MCCC2: variants seen among roughly 807,000 people sequenced by gnomAD.
MCCC2 encodes methylcrotonyl-CoA carboxylase subunit 2.
A neutral mutation model predicts 77.2 loss-of-function variants in MCCC2; 52 were observed. The observed-to-expected ratio is 0.67, with a 90% CI of 0.54 to 0.85. The LOEUF (loss-of-function observed/expected upper bound fraction) is 0.85, where lower values mean the gene tolerates loss of function less well. MCCC2 is among the 40% of genes least tolerant of loss of function. The probability of loss-of-function intolerance (pLI) is 0.00; values close to 1 mark genes in which losing one functional copy is unlikely to be tolerated. For synonymous variants in MCCC2, 253 were observed against 248.4 expected (o/e 1.02, Z -0.18); for missense variants, 682 against 703.2 (o/e 0.97, Z 0.34).
chr5:71,624,127 C>T (rs1303217892), intron 6 of MCCC2, among the ~76,000 whole-genome samples: 1 of 152,118 alleles, frequency 6.6e-6, no homozygotes, highest in Non-Finnish European at 1.5e-5. Flanking sequence ...ACATGGTGAC[C>T]AAAGAGATCT....
At chr5:71,644,072 C>CGTGT (rs1188965875) in intron 12 of MCCC2, among the ~76,000 whole-genome samples, 177 bp downstream of exon 12, 5 of 138,986 alleles carry the variant, frequency 3.6e-5, no homozygotes, top group African/African-American at 6.4e-5. Flanking sequence ...TGTGTGTGTG[C>CGTGT]GCGCGTGTGT....
At chr5:71,600,369 C>T (rs1034690634) in intron 4 of MCCC2, among the ~76,000 whole-genome samples, 1 of 151,584 alleles carries the variant, frequency 6.6e-6, no homozygotes, top group Non-Finnish European at 1.5e-5. Context: ...GCTCTGTTGC[C>T]TAGGCTAATC....
chr5:71,604,289 C>G (rs1225873032), intron 5 of MCCC2, 67 bp from the exon 6 acceptor site: 11 of 1,328,476 alleles, frequency 8.3e-6, no homozygotes, highest in South Asian at 2.4e-5. Flanking sequence ...GTCATTGATA[C>G]AAGTTTCCCT....
At chr5:71,636,622 A>T (rs1746939597) in intron 10 of MCCC2, 1 of 151,296 alleles carries the variant, frequency 6.6e-6, no homozygotes, top group Admixed American at 6.6e-5. Flanking sequence ...AATCGCTTGA[A>T]CCTGGGAGCA....
intron 10 of MCCC2, among the ~76,000 whole-genome samples, chr5:71,640,603 G>A (rs1747095372): frequency 6.6e-6 from 1 of 151,770 alleles, no homozygotes; most frequent in South Asian, 2.1e-4. Context: ...CTTACTCCAG[G>A]GCATACCAGT....
intron 14 of MCCC2, 152 bp from the exon 15 acceptor site, chr5:71,649,917 T>C (rs1417134552): frequency 1.5e-6 from 1 of 687,386 alleles, no homozygotes; most frequent in African/African-American, 1.8e-5. Flanking sequence ...CTGGGGTGTG[T>C]TCCAGGCATT....
At chr5:71,648,929 T>C (rs1747348552) in intron 13 of MCCC2, among the ~76,000 whole-genome samples, 168 bp from the exon 14 acceptor site, 1 of 152,262 alleles carries the variant, frequency 6.6e-6, no homozygotes, top group Admixed American at 6.5e-5. Context: ...TTTTATTTTA[T>C]CCTTTTAAAG....
chr5:71,602,815 A>G lies in MCCC2; in HGVS notation c.511+182A>G, dbSNP rs1745494038. Reference sequence around the variant, plus strand: ...GGGGGAAAGTAAACAAGAACTGTTCATAGTACTAGTGCATAATACTCATAC... The same window carrying G: ...GGGGGAAAGTAAACAAGAACTGTTCGTAGTACTAGTGCATAATACTCATAC... On this transcript the variant is annotated intron_variant, in intron 5 of 16. Transcript: ENST00000340941. The G allele has an allele frequency of 4.3e-5, 36 of 827,592 alleles. 1 individual carries two copies. In the South Asian group the frequency reaches 5.5e-4, roughly 13 times the overall value. The allele number at this position is 827,592 out of a possible 1,614,324, so 51.3% of individuals were successfully genotyped here. A position where few individuals can be genotyped will look rare whatever the true frequency, so the allele number is the denominator to read the frequency against.
intron 8 of MCCC2, among the ~76,000 whole-genome samples, chr5:71,634,444 A>G (rs536281185): frequency 1.1e-4 from 17 of 152,340 alleles, no homozygotes; most frequent in African/African-American, 3.8e-4. Flanking sequence ...GGGGGCTCAG[A>G]GTTCTCTCAG....
At chr5:71,595,242 A>G (rs1745136548) in intron 2 of MCCC2, among the ~76,000 whole-genome samples, 1 of 151,646 alleles carries the variant, frequency 6.6e-6, no homozygotes, top group Non-Finnish European at 1.5e-5. Context: ...GGTGTTTGAA[A>G]CCAGCCTGGG....
At chr5:71,637,656 C>T (rs1205132143) in intron 10 of MCCC2, among the ~76,000 whole-genome samples, 1 of 152,156 alleles carries the variant, frequency 6.6e-6, no homozygotes, top group Non-Finnish European at 1.5e-5. Flanking sequence ...CACTGACTGA[C>T]TCTTGCTTTT....
intron 6 of MCCC2, among the ~76,000 whole-genome samples, chr5:71,616,985 C>G (rs1331333507): frequency 6.6e-6 from 1 of 152,220 alleles, no homozygotes; most frequent in Non-Finnish European, 1.5e-5. Flanking sequence ...CTTTCCCATA[C>G]AGTGGACACA....
chr5:71,599,697 A>G lies in MCCC2; in HGVS notation c.320A>G (p.Gln107Arg), dbSNP rs1430566045. The G allele has an allele frequency of 1.2e-6, 2 of 1,614,042 alleles. No homozygotes were observed. Among genetic ancestry groups the G allele is most frequent in the African/African-American group, 2.7e-5 (2 of 74,942 alleles). Residue 107 changes from glutamine (Q) to arginine (R), a missense_variant, in exon 4 of 17, where the codon CAG (glutamine) becomes CGG (arginine). Transcript: ENST00000340941. ...FLELSQFAGY[Q>R]LYDNEEVPGG... ...GAATTATCCCAGTTTGCAGGTTACC[A>G]GTTATATGACAATGAGGAGGTGCCA...
At chr5:71,653,693 A>T (rs929954499) in intron 16 of MCCC2, among the ~76,000 whole-genome samples, 1 of 151,936 alleles carries the variant, frequency 6.6e-6, no homozygotes, top group Non-Finnish European at 1.5e-5. Flanking sequence ...TACAAAAAAT[A>T]TACAAAAATT....
At chr5:71,611,978 C>T (rs1745968567) in intron 6 of MCCC2, among the ~76,000 whole-genome samples, 3 of 151,930 alleles carry the variant, frequency 2.0e-5, no homozygotes, top group Admixed American at 2.0e-4. Context: ...TTAGTAGAGA[C>T]AGGGTTTCAC....
At chr5:71,623,655 C>T (rs560151313) in intron 6 of MCCC2, among the ~76,000 whole-genome samples, 1 of 152,180 alleles carries the variant, frequency 6.6e-6, no homozygotes, top group Non-Finnish European at 1.5e-5. Flanking sequence ...CTGGACCCAC[C>T]ACATATTCAA....
intron 10 of MCCC2, among the ~76,000 whole-genome samples, chr5:71,639,468 C>G (rs2112450017): frequency 6.6e-6 from 1 of 152,152 alleles, no homozygotes; most frequent in South Asian, 2.1e-4. Context: ...CTTCACCTAT[C>G]CAAGCCTTCA....
In MCCC2 at chr5:71,641,049, C is replaced by G. The variant is rs1747108628; in HGVS notation, c.1046C>G (p.Ala349Gly). The G allele has an allele frequency of 1.2e-6, 2 of 1,613,992 alleles. No homozygotes were observed. Among genetic ancestry groups the G allele is most frequent in the Admixed American group, 1.7e-5 (1 of 60,002 alleles). ...VDGSRFTEFK[A>G]FYGDTLVTGF... ...GGAAGCAGATTCACTGAGTTCAAAG[C>G]CTTTTATGGAGACACATTAGTTACA... The change falls in exon 11 of 17, where the codon GCC becomes GGC. Residue 349 changes from alanine to glycine, a missense_variant. Ala to Gly is a moderately conservative substitution (Grantham distance 60, BLOSUM62 0). Transcript: ENST00000340941.
At chr5:71,595,428 C>CAAAAAA (rs56048450) in intron 2 of MCCC2, among the ~76,000 whole-genome samples, 2 of 115,222 alleles carry the variant, frequency 1.7e-5, no homozygotes, top group Non-Finnish European at 3.5e-5. Flanking sequence ...GATCTTGTCT[C>CAAAAAA]AAAAAAAAAA....
Sources: allele counts gnomAD v4.1 joint callset (sites outside exome capture counted in the v4.1 genomes callset), GRCh38; gene constraint gnomAD v4.1.1; transcripts MANE v1.5; gene names NCBI Gene and HGNC (gene_info 2026-07-23, HGNC 2026-07-21).